Variants in XPO4 observed in about 807,000 individuals in gnomAD.
XPO4 encodes the protein exportin-4.
In XPO4, 39 loss-of-function variants were observed where a neutral mutation model predicts 143.0. That is an observed-to-expected ratio of 0.27 (90% confidence interval 0.21 to 0.36). The LOEUF is 0.36. Among genes scored for constraint, XPO4 ranks in the 10% least tolerant of loss-of-function variants. The probability of loss-of-function intolerance (pLI) is 1.00; values close to 1 mark genes in which losing one functional copy is unlikely to be tolerated. For missense variants in XPO4, 907 were observed against 1,348.0 expected (o/e 0.67, Z 5.12); for synonymous variants, 439 against 474.0 (o/e 0.93, Z 0.96).
chr13:20,862,754 G>A lies in XPO4; in HGVS notation c.280C>T (p.Arg94Ter). Residue 94 changes from arginine (R) to a stop codon, truncating the protein, a stop_gained, in exon 3 of 23, where the codon CGA becomes TGA. Coordinates refer to ENST00000255305, the MANE Select transcript of XPO4 (RefSeq NM_022459.5). LOFTEE classifies it high-confidence loss of function. The stretch of plus-strand genomic sequence containing the variant: ...AAGACATAGGTTAAAAGGAATGTTC[G>A]CAGAGACTCGATGCTACCTTTTTCC... Reference protein sequence around the residue: ...LLEKGSIESLRTFLLTYVLQR... With the variant: ...LLEKGSIESL 1 of 1,614,120 alleles carries A rather than the reference G, an allele frequency of 6.2e-7. No homozygotes were observed. The highest frequency in any genetic ancestry group is 8.5e-7 in the Non-Finnish European group (1 of 1,180,008).
chr13:20,883,984 T>C (rs2060438018), intron 1 of XPO4, among the ~76,000 whole-genome samples: 1 of 152,158 alleles, frequency 6.6e-6, no homozygotes, highest in Admixed American at 6.5e-5. Context: ...CAGGCTGGTC[T>C]TGAACTCCCA....
At chr13:20,868,518 A>T in intron 2 of XPO4, 78 bp downstream of exon 2, 1 of 1,502,748 alleles carries the variant, frequency 6.7e-7, no homozygotes, top group South Asian at 1.3e-5. Context: ...AAAGGAATTT[A>T]AAATAGCTAA....
intron 1 of XPO4, chr13:20,869,480 T>TG: frequency 1.0e-6 from 1 of 965,604 alleles, no homozygotes; most frequent in South Asian, 4.8e-5. Context: ...TGGAGGTAGA[T>TG]GGCAGGAAAA....
intron 20 of XPO4, 65 bp downstream of exon 20, chr13:20,788,420 CT>C: frequency 1.6e-5 from 25 of 1,550,936 alleles, no homozygotes; most frequent in Non-Finnish European, 1.9e-5. Context: ...ACTTAAAAAA[CT>C]TTTCTTTAAA....
chr13:20,858,291 T>C (rs2060163466), intron 3 of XPO4, among the ~76,000 whole-genome samples: 1 of 152,172 alleles, frequency 6.6e-6, no homozygotes, highest in Non-Finnish European at 1.5e-5. Context: ...AAACTCAGAA[T>C]ATGGAATCAG....
chr13:20,834,144 G>C (rs1260012634), intron 6 of XPO4, among the ~76,000 whole-genome samples: 1 of 152,076 alleles, frequency 6.6e-6, no homozygotes, highest in Non-Finnish European at 1.5e-5. Flanking sequence ...GGTCTGGGTA[G>C]GTGGATACTT....
In XPO4 at chr13:20,807,457, C is replaced by T; in HGVS notation, c.1817G>A (p.Arg606Lys). The change falls in exon 13 of 23, where the codon AGG becomes AAG. Residue 606 changes from arginine to lysine, a missense_variant and splice_region_variant. Transcript: ENST00000255305. The part of the protein sequence containing the change: ...PGYNRTDSVI[R>K]LLSAILRVSE... ...AGCACAGCTATAGAGTTTATATTAC[C>T]TAATCACAGAATCTGTTCTGTTGTA... is the stretch of plus-strand genomic sequence containing the variant. 6.2e-7 allele frequency: 1 copy of T among 1,609,670 alleles called. No homozygotes were observed. Among genetic ancestry groups the T allele is most frequent in the South Asian group, 1.1e-5 (1 of 89,860 alleles).
intron 6 of XPO4, among the ~76,000 whole-genome samples, chr13:20,837,200 G>C (rs1369413615): frequency 1.3e-5 from 2 of 152,104 alleles, no homozygotes; most frequent in Non-Finnish European, 2.9e-5. Flanking sequence ...ATAATTGCTT[G>C]TGTGGGGCTG....
intron 1 of XPO4, among the ~76,000 whole-genome samples, chr13:20,876,778 G>A (rs1031685075): frequency 1.3e-5 from 2 of 152,166 alleles, no homozygotes; most frequent in African/African-American, 4.8e-5. Context: ...GTGGGTTCCT[G>A]GTCCTCAGGG....
At chr13:20,798,596 T>A (rs2059388547) in intron 16 of XPO4, among the ~76,000 whole-genome samples, 1 of 152,182 alleles carries the variant, frequency 6.6e-6, no homozygotes, top group South Asian at 2.1e-4. Context: ...GTGAAAAATG[T>A]GCCTAAAATG....
chr13:20,815,636 G>A (rs1043047666), intron 9 of XPO4, among the ~76,000 whole-genome samples: 2 of 152,078 alleles, frequency 1.3e-5, no homozygotes, highest in Non-Finnish European at 2.9e-5. Flanking sequence ...AGCTTTTTCT[G>A]TTGATCATCA....
chr13:20,902,744 C>T lies in XPO4; in HGVS notation c.-6G>A, dbSNP rs764375293. ...CCCAGCGCCGCCGCCATCATGGTCT[C>T]TCTTCAATGACGCGCCATGCGCTGC... On this transcript the variant is annotated 5_prime_UTR_variant, in exon 1 of 23. Transcript: ENST00000255305. 2 of 1,536,168 alleles carry T rather than the reference C, an allele frequency of 1.3e-6. No homozygotes were observed. Among genetic ancestry groups the T allele is most frequent in the South Asian group, 2.4e-5 (2 of 82,658 alleles).
chr13:20,801,802 T>C (rs1256439176), intron 13 of XPO4, among the ~76,000 whole-genome samples: 1 of 152,212 alleles, frequency 6.6e-6, no homozygotes, highest in African/African-American at 2.4e-5. Flanking sequence ...ATTCGGCTTA[T>C]GCTCCTTTAC....
chr13:20,867,673 A>G (rs1376429946), intron 2 of XPO4, among the ~76,000 whole-genome samples: 1 of 152,226 alleles, frequency 6.6e-6, no homozygotes, highest in Admixed American at 6.5e-5. Flanking sequence ...CCTTTAACAC[A>G]TAACTTTAAT....
At chr13:20,880,748 G>A (rs565624169) in intron 1 of XPO4, among the ~76,000 whole-genome samples, 9 of 152,170 alleles carry the variant, frequency 5.9e-5, no homozygotes, top group African/African-American at 7.2e-5. Context: ...CTTGAGTTCC[G>A]GGGTTCCAGA....
intron 5 of XPO4, among the ~76,000 whole-genome samples, chr13:20,843,436 C>A (rs1465180273): frequency 6.6e-6 from 1 of 152,180 alleles, no homozygotes; most frequent in African/African-American, 2.4e-5. Context: ...TTGAAATACA[C>A]GGCCTTCTGG....
chr13:20,812,624 A>G (rs778565395), intron 9 of XPO4, among the ~76,000 whole-genome samples: 36 of 152,180 alleles, frequency 2.4e-4, no homozygotes, highest in Non-Finnish European at 2.2e-4. Flanking sequence ...GATATCCAGG[A>G]CTAGGTCCTG....
rs35708026 is a variant in XPO4, at chr13:20,876,264, G to GAA, written c.70-7565_70-7564dup. Among the ~76,000 whole-genome samples the GAA allele has an allele frequency of 2.9e-3, 236 of 81,888 alleles. 1 individual carries two copies. Among genetic ancestry groups the GAA allele is most frequent in the South Asian group, 5.2e-3 (14 of 2,680 alleles). 53.7% of individuals were successfully genotyped at this position (81,888 alleles called of 152,430 possible). On this transcript the variant is annotated intron_variant, in intron 1 of 22. Coordinates refer to ENST00000255305, the MANE Select transcript of XPO4 (RefSeq NM_022459.5). ...ACAATGAAAGCAAAACTCCATCTCG[G>GAA]AAAAAAAAAAAAAAAAAAAAGAATA...
chr13:20,798,726 C>T, intron 16 of XPO4, among the ~76,000 whole-genome samples: 1 of 152,006 alleles, frequency 6.6e-6, no homozygotes, highest in South Asian at 2.1e-4. Context: ...ATCAGAAAAG[C>T]TATGACTGGG....
Sources: allele counts gnomAD v4.1 joint callset (sites outside exome capture counted in the v4.1 genomes callset), GRCh38; gene constraint gnomAD v4.1.1; transcripts MANE v1.5; gene names NCBI Gene and HGNC (gene_info 2026-07-23, HGNC 2026-07-21).